TRMT11: variants seen among roughly 807,000 people sequenced by gnomAD.
The protein encoded by TRMT11 is tRNA methyltransferase 11.
TRMT11 carries 53 observed loss-of-function variants against 62.8 expected under a neutral mutation model. The observed-to-expected ratio is 0.84, with a 90% confidence interval of 0.68 to 1.06. The LOEUF (loss-of-function observed/expected upper bound fraction) is 1.06. Ranked by LOEUF, TRMT11 falls within the 50% of genes least tolerant of loss-of-function variation. The probability of loss-of-function intolerance (pLI) is 0.00; values close to 1 mark genes in which losing one functional copy is unlikely to be tolerated. For missense variants in TRMT11, 556 were observed against 553.4 expected (o/e 1.00, Z -0.05); for synonymous variants, 188 against 190.3 (o/e 0.99, Z 0.10).
At chr6:126,137,770 C>T (rs551086648) in intron 21 of TRMT11, among the ~76,000 whole-genome samples, 7 of 151,808 alleles carry the variant, frequency 4.6e-5, no homozygotes, top group African/African-American at 1.4e-4. Flanking sequence ...ATATACACAA[C>T]GGAATATCAT....
chr6:126,256,936 A>G, the TRMT11 span, among the ~76,000 whole-genome samples: 3 of 151,636 alleles, frequency 2.0e-5, no homozygotes, highest in Non-Finnish European at 4.4e-5. Context: ...CCCAGGCTGG[A>G]GTGTAATGGT....
chr6:126,136,945 GA>G (rs71272315), intron 21 of TRMT11, among the ~76,000 whole-genome samples: 15 of 145,042 alleles, frequency 1.0e-4, no homozygotes, highest in South Asian at 2.2e-4. Flanking sequence ...GTAGAAAAAT[GA>G]AAAAAAAAAG....
intron 17 of TRMT11, among the ~76,000 whole-genome samples, chr6:126,064,218 G>A (rs933229528): frequency 3.9e-5 from 6 of 151,990 alleles, no homozygotes; most frequent in South Asian, 2.1e-4. Context: ...GGGAGAAAGC[G>A]CACATGCAAC....
Position 125,999,604 on chromosome 6 carries a change from G to T in TRMT11, c.670G>T (p.Val224Phe), listed in dbSNP as rs994028442. 1 of 1,608,542 alleles carries T rather than the reference G, an allele frequency of 6.2e-7. No individual in the cohort carries two copies. Among genetic ancestry groups the T allele is most frequent in the Non-Finnish European group, 8.5e-7 (1 of 1,177,282 alleles). Residue 224 changes from valine to phenylalanine, a missense_variant, in exon 7 of 13, where the codon GTT (valine) becomes TTT (phenylalanine). Physicochemically the swap from Val to Phe is conservative, Grantham distance 50. Transcript: ENST00000334379. ...KENDIVFDPF[V>F]GTGGLLIACA... is the part of the protein sequence containing the mutation. The stretch of plus-strand genomic sequence containing the variant: ...AAATGATATTGTCTTTGATCCATTT[G>T]TTGGAACAGGTATTTTTATTTAACT...
chr6:125,998,949 G>GTT (rs200462747), intron 6 of TRMT11, among the ~76,000 whole-genome samples: 5 of 138,614 alleles, frequency 3.6e-5, no homozygotes, highest in Admixed American at 7.3e-5. Flanking sequence ...CATCTGGACT[G>GTT]TTTTTTTTTT....
At chr6:126,147,425 A>T (rs1322920801) in intron 21 of TRMT11, among the ~76,000 whole-genome samples, 1 of 119,426 alleles carries the variant, frequency 8.4e-6, no homozygotes, top group Non-Finnish European at 1.9e-5. Flanking sequence ...AATTCTGGGG[A>T]GCTGTGTTTG....
At chr6:126,074,202 T>C (rs1389894392) in intron 17 of TRMT11, among the ~76,000 whole-genome samples, 6 of 152,148 alleles carry the variant, frequency 3.9e-5, no homozygotes, top group Non-Finnish European at 7.3e-5. Context: ...TAGTGAACAA[T>C]ATGAAACACG....
intron 16 of TRMT11, among the ~76,000 whole-genome samples, chr6:126,045,761 G>T (rs1776038403): frequency 6.6e-6 from 1 of 152,072 alleles, no homozygotes; most frequent in African/African-American, 2.4e-5. Context: ...TTAGAACTTT[G>T]GCTGTTTTGC....
intron 16 of TRMT11, among the ~76,000 whole-genome samples, chr6:126,050,997 G>T (rs971088927): frequency 6.6e-6 from 1 of 152,188 alleles, no homozygotes; most frequent in East Asian, 1.9e-4. Flanking sequence ...TGAGATACAG[G>T]GGGCCCTATG....
intron 1 of TRMT11, among the ~76,000 whole-genome samples, chr6:126,184,828 G>A (rs542708752): frequency 1.2e-3 from 182 of 152,246 alleles, no homozygotes; most frequent in African/African-American, 4.1e-3. Flanking sequence ...AAGATGAGAG[G>A]CTGCATAGTA....
chr6:126,205,814 G>A (rs1778783648), downstream of TRMT11, among the ~76,000 whole-genome samples: 1 of 151,622 alleles, frequency 6.6e-6, no homozygotes, highest in Non-Finnish European at 1.5e-5. Context: ...AGCAGCTAGG[G>A]GTGGGAGAGG....
chr6:126,074,980 AAAT>A (rs1054302972), intron 17 of TRMT11, among the ~76,000 whole-genome samples: 1 of 152,158 alleles, frequency 6.6e-6, no homozygotes, highest in Non-Finnish European at 1.5e-5. Context: ...AATTTTTTAA[AAAT>A]AATAGTTGAT....
intron 2 of TRMT11, among the ~76,000 whole-genome samples, chr6:125,994,645 G>T (rs879293327): frequency 3.3e-5 from 5 of 152,156 alleles, no homozygotes; most frequent in Admixed American, 2.6e-4. Flanking sequence ...CTATTATAAA[G>T]ATACATGCAT....
chr6:126,147,820 T>TA (rs565304590), intron 21 of TRMT11, among the ~76,000 whole-genome samples: 13 of 147,310 alleles, frequency 8.8e-5, no homozygotes, highest in Admixed American at 2.7e-4. Flanking sequence ...GGAAGGCATT[T>TA]AAAAAAAAAA....
Position 126,127,030 on chromosome 6 carries a change from A to G in TRMT11, c.*1823+11175A>G, listed in dbSNP as rs181269532. ...AGAGATATACACTCAACAAAAAATC[A>G]AATATAATTCAAGGGTGTTGTAGTC... On this transcript the variant is annotated intron_variant and NMD_transcript_variant, in intron 21 of 22. Coordinates refer to the TRMT11 transcript ENST00000648977. Among the ~76,000 whole-genome samples the G allele has an allele frequency of 2.1e-3, 323 of 152,262 alleles. 2 individuals carry two copies. The highest frequency in any genetic ancestry group is 3.6e-3 in the Non-Finnish European group (247 of 68,000).
chr6:126,157,474 A>G (rs559843438), intron 21 of TRMT11, among the ~76,000 whole-genome samples: 1 of 152,188 alleles, frequency 6.6e-6, no homozygotes, highest in African/African-American at 2.4e-5. Flanking sequence ...ATTTCATATT[A>G]TAAAGCTGTA....
chr6:126,091,463 C>A (rs942624972), intron 17 of TRMT11, among the ~76,000 whole-genome samples: 1 of 152,076 alleles, frequency 6.6e-6, no homozygotes, highest in Non-Finnish European at 1.5e-5. Context: ...ACTCCTTTTT[C>A]GGTCCATAAA....
At chr6:126,270,013 A>G in the TRMT11 span, among the ~76,000 whole-genome samples, 2 of 152,186 alleles carry the variant, frequency 1.3e-5, no homozygotes, top group African/African-American at 4.8e-5. Context: ...GCATGTCAGT[A>G]TTCTACATAT....
chr6:126,079,408 G>A (rs553465409), intron 17 of TRMT11, among the ~76,000 whole-genome samples: 90 of 152,214 alleles, frequency 5.9e-4, no homozygotes, highest in African/African-American at 2.0e-3. Context: ...GAGGAGGAGG[G>A]AATCTGAAGA....
Sources: gnomAD v4.1 joint callset for allele counts (sites outside exome capture counted in the v4.1 genomes callset) on GRCh38, gnomAD v4.1.1 for gene constraint, MANE v1.5 for transcripts, NCBI Gene and HGNC (gene_info 2026-07-23, HGNC 2026-07-21) for gene names.